FBXW7: variants seen among roughly 807,000 people sequenced by gnomAD.
FBXW7 encodes the protein F-box and WD repeat domain containing 7.
FBXW7 carries 11 observed loss-of-function variants against 86.3 expected under a neutral mutation model. That is an observed-to-expected ratio of 0.13 (90% CI 0.08 to 0.21). FBXW7 has a LOEUF of 0.21. Ranked by LOEUF, FBXW7 falls within the 10% of genes least tolerant of loss-of-function variation. The probability of loss-of-function intolerance (pLI) is 1.00; values close to 1 mark genes in which losing one functional copy is unlikely to be tolerated. For missense variants in FBXW7, 488 were observed against 847.4 expected (o/e 0.58, Z 5.27); for synonymous variants, 313 against 297.9 (o/e 1.05, Z -0.52).
intron 4 of FBXW7, among the ~76,000 whole-genome samples, chr4:152,392,149 G>A (rs1736048477): frequency 6.6e-6 from 1 of 152,046 alleles, no homozygotes; most frequent in Non-Finnish European, 1.5e-5. Flanking sequence ...TAGTCACAAC[G>A]CTGTCCCCCA....
intron 9 of FBXW7, among the ~76,000 whole-genome samples, chr4:152,330,289 T>C (rs1560764601): frequency 6.6e-6 from 1 of 151,962 alleles, no homozygotes; most frequent in Non-Finnish European, 1.5e-5. Context: ...TTACCATTCT[T>C]TATGTATTTG....
chr4:152,345,701 G>C (rs528273828), intron 6 of FBXW7, among the ~76,000 whole-genome samples: 6 of 152,222 alleles, frequency 3.9e-5, no homozygotes, highest in Admixed American at 3.9e-4. Context: ...ATCACCTGAA[G>C]GGTAGAAAAC....
intron 4 of FBXW7, among the ~76,000 whole-genome samples, chr4:152,405,660 T>G (rs777030824): frequency 6.6e-6 from 1 of 152,172 alleles, no homozygotes; most frequent in African/African-American, 2.4e-5. Context: ...CAAGCAAAAA[T>G]GCTCTTAACG....
chr4:152,402,166 G>T (rs960918021), intron 4 of FBXW7, among the ~76,000 whole-genome samples: 5 of 151,988 alleles, frequency 3.3e-5, no homozygotes, highest in African/African-American at 1.2e-4. Flanking sequence ...ATAACTGAAA[G>T]AATCAGGAAT....
chr4:152,476,331 G>A (rs1443027046), intron 2 of FBXW7, among the ~76,000 whole-genome samples: 1 of 152,072 alleles, frequency 6.6e-6, no homozygotes, highest in Non-Finnish European at 1.5e-5. Context: ...AAAAGGTAAT[G>A]CAAGACAGAT....
intron 7 of FBXW7, among the ~76,000 whole-genome samples, chr4:152,337,355 T>C (rs147689540): frequency 0.014 from 2,082 of 151,944 alleles, 27 homozygotes; most frequent in Middle Eastern, 0.037. Context: ...TAGAATTCAA[T>C]AGAATCATAA....
chr4:152,391,753 C>T (rs1736015537), intron 4 of FBXW7, among the ~76,000 whole-genome samples: 1 of 152,114 alleles, frequency 6.6e-6, no homozygotes, highest in African/African-American at 2.4e-5. Context: ...AAAACTAAGG[C>T]TCAGAAAGGC....
chr4:152,352,445 C>T (rs1238846631), intron 4 of FBXW7: 2 of 1,613,466 alleles, frequency 1.2e-6, no homozygotes, highest in East Asian at 2.2e-5. Flanking sequence ...AATCACATAG[C>T]ATAGGAAGAA....
chr4:152,387,514 G>T (rs1735626230), intron 4 of FBXW7, among the ~76,000 whole-genome samples: 1 of 148,300 alleles, frequency 6.7e-6, no homozygotes, highest in Non-Finnish European at 1.5e-5. Context: ...GTTGAAGACG[G>T]AACAATTTAA....
At chr4:152,365,705 T>C (rs968702619) in intron 4 of FBXW7, among the ~76,000 whole-genome samples, 4 of 152,178 alleles carry the variant, frequency 2.6e-5, no homozygotes, top group African/African-American at 7.2e-5. Context: ...ATCTTGGAGA[T>C]AACTGGGTAT....
chr4:152,440,658 G>A (rs1326564521), intron 2 of FBXW7, among the ~76,000 whole-genome samples: 1 of 152,068 alleles, frequency 6.6e-6, no homozygotes, highest in African/African-American at 2.4e-5. Context: ...AATACCAGTG[G>A]AGCACTCTTC....
rs1489218972 is a variant in FBXW7, at chr4:152,535,562, C to T, written c.-648G>A. On this transcript the variant is annotated 5_prime_UTR_variant, in exon 1 of 14. Transcript: ENST00000281708. ...ACACTCCGGGGCAAGATGCTACGGC[C>T]CCGGGCGGGTGGCCGAGTCGGCGGC... 1.3e-5 allele frequency: 5 copies of T among 396,558 alleles called. No homozygotes were observed. Among genetic ancestry groups the T allele is most frequent in the Non-Finnish European group, 2.2e-5 (5 of 224,722 alleles). 24.6% of individuals were successfully genotyped at this position (396,558 alleles called of 1,614,324 possible). A position where few individuals can be genotyped will look rare whatever the true frequency, so the allele number is the denominator to read the frequency against.
At chr4:152,368,004 T>C (rs1232313988) in intron 4 of FBXW7, among the ~76,000 whole-genome samples, 1 of 152,004 alleles carries the variant, frequency 6.6e-6, no homozygotes, top group Non-Finnish European at 1.5e-5. Context: ...CGATTAATAT[T>C]CTAAAAAGGT....
intron 2 of FBXW7, among the ~76,000 whole-genome samples, chr4:152,520,341 G>A (rs1404227716): frequency 4.0e-5 from 6 of 151,358 alleles, no homozygotes; most frequent in Non-Finnish European, 5.9e-5. Context: ...GCTGAGGCAG[G>A]AGAATGGCGT....
In FBXW7 at chr4:152,432,652, C is replaced by CA. The variant is rs527341178; in HGVS notation, c.-119-20124dup. ...TGAACCCCCATCTCTACTAAAAACA[C>CA]AAAAAAAAAATTAGCCGGGTATGGC... On this transcript the variant is annotated intron_variant, in intron 2 of 13. Transcript: ENST00000281708. Among the ~76,000 whole-genome samples the CA allele has an allele frequency of 6.1e-4, 91 of 148,160 alleles. No individual in the cohort carries two copies. In the Middle Eastern group the frequency reaches 0.01, roughly 17 times the overall value.
chr4:152,413,164 C>G (rs921650101), intron 2 of FBXW7, among the ~76,000 whole-genome samples: 8 of 152,012 alleles, frequency 5.3e-5, no homozygotes, highest in Admixed American at 2.6e-4. Context: ...AACAGTGTAT[C>G]ATAAAACACA....
chr4:152,525,228 C>T (rs1257915407), intron 2 of FBXW7, among the ~76,000 whole-genome samples: 1 of 152,150 alleles, frequency 6.6e-6, no homozygotes, highest in African/African-American at 2.4e-5. Context: ...CATCTAATTT[C>T]TACATTTACA....
intron 2 of FBXW7, among the ~76,000 whole-genome samples, chr4:152,429,481 C>G (rs1448269445): frequency 6.6e-6 from 1 of 152,012 alleles, no homozygotes; most frequent in Non-Finnish European, 1.5e-5. Flanking sequence ...GTTATCTCAA[C>G]AAGGGTCTTT....
rs34073737 is a variant in FBXW7, at chr4:152,387,708, C to CTTTTTTTTTTT, written c.501+23584_501+23594dup. Among the ~76,000 whole-genome samples, 588 of 112,762 alleles carry CTTTTTTTTTTT rather than the reference C, an allele frequency of 5.2e-3. 18 individuals carry two copies. The highest frequency in any genetic ancestry group is 0.012 in the African/African-American group (344 of 28,156). The allele number at this position is 112,762 out of a possible 152,430, so 74.0% of individuals were successfully genotyped here. The stretch of plus-strand genomic sequence containing the variant: ...ATCAAAGAAAAAAAACATGGCATAC[C>CTTTTTTTTTTT]TTTTTTTTTTTTTTTTTTGAGACTG... On this transcript the variant is annotated intron_variant, in intron 4 of 13. Coordinates refer to ENST00000281708, the MANE Select transcript of FBXW7 (RefSeq NM_001349798.2).
Sources: gnomAD v4.1 joint callset for allele counts (sites outside exome capture counted in the v4.1 genomes callset) on GRCh38, gnomAD v4.1.1 for gene constraint, MANE v1.5 for transcripts, NCBI Gene and HGNC (gene_info 2026-07-23, HGNC 2026-07-21) for gene names.